Variants in MAGI2 observed in about 807,000 individuals in gnomAD.
MAGI2 encodes membrane-associated guanylate kinase, WW and PDZ domain-containing protein 2.
MAGI2 carries 35 observed loss-of-function variants against 133.3 expected under a neutral mutation model. That is an observed-to-expected ratio of 0.26 (90% CI 0.20 to 0.35). The LOEUF is 0.35. Among genes scored for constraint, MAGI2 ranks in the 10% least tolerant of loss-of-function variants. The pLI is 1.00. For missense variants in MAGI2, 1,636 were observed against 1,863.4 expected (o/e 0.88, Z 2.25); for synonymous variants, 729 against 710.6 (o/e 1.03, Z -0.41).
At chr7:78,742,395 G>A (rs1822521044) in intron 2 of MAGI2, among the ~76,000 whole-genome samples, 1 of 152,068 alleles carries the variant, frequency 6.6e-6, no homozygotes, top group Non-Finnish European at 1.5e-5. Flanking sequence ...AGGGTCAATG[G>A]CTAAGCATGT....
intron 10 of MAGI2, among the ~76,000 whole-genome samples, chr7:78,242,447 G>A (rs915867221): frequency 6.6e-6 from 1 of 152,070 alleles, no homozygotes; most frequent in Non-Finnish European, 1.5e-5. Context: ...AGACTTCATG[G>A]TGTATTTGTT....
chr7:78,178,214 T>C, intron 13 of MAGI2, 112 bp from the exon 14 acceptor site: 2 of 672,728 alleles, frequency 3.0e-6, no homozygotes, highest in South Asian at 3.5e-5. Context: ...ATGAGAGTGC[T>C]GTTAGGGTCA....
chr7:78,660,435 A>G (rs1812823855), intron 2 of MAGI2, among the ~76,000 whole-genome samples: 1 of 152,140 alleles, frequency 6.6e-6, no homozygotes, highest in East Asian at 1.9e-4. Flanking sequence ...GAAAATATCA[A>G]CTCGATTCAC....
At chr7:78,603,489 G>C (rs1805434902) in intron 3 of MAGI2, among the ~76,000 whole-genome samples, 2 of 152,234 alleles carry the variant, frequency 1.3e-5, no homozygotes, top group African/African-American at 2.4e-5. Context: ...TTCAAGATTT[G>C]AAGCTTTCTT....
chr7:78,778,652 C>T (rs972234000), intron 2 of MAGI2, among the ~76,000 whole-genome samples: 4 of 152,080 alleles, frequency 2.6e-5, no homozygotes, highest in Non-Finnish European at 5.9e-5. Context: ...TATACTCTGA[C>T]TTCAGTAACC....
chr7:78,041,864 C>T (rs1194681267), intron 21 of MAGI2, among the ~76,000 whole-genome samples: 5 of 152,120 alleles, frequency 3.3e-5, no homozygotes, highest in African/African-American at 4.8e-5. Flanking sequence ...CAGAACCCTA[C>T]TCCTACAAGT....
chr7:78,057,149 C>T (rs1028740503), intron 21 of MAGI2, among the ~76,000 whole-genome samples: 5 of 151,396 alleles, frequency 3.3e-5, no homozygotes, highest in South Asian at 2.1e-4. Context: ...ACCTCCATAC[C>T]GTTTCCATAA....
Position 79,262,358 on chromosome 7 carries a change from C to G in MAGI2, c.301+190662G>C, listed in dbSNP as rs116945768. ...GAGACACTAGACTCAAAGTTCAGGA[C>G]AAACCATAATCCTAATTCACTTCTT... On this transcript the variant is annotated intron_variant, in intron 1 of 21. Transcript: ENST00000354212. Among the ~76,000 whole-genome samples, 490 of 152,218 alleles carry G rather than the reference C, an allele frequency of 3.2e-3. 21 individuals are homozygous for G. In the East Asian group the frequency reaches 0.086, roughly 27 times the overall value.
chr7:78,817,554 G>C (rs12538896), intron 2 of MAGI2, among the ~76,000 whole-genome samples: 20,310 of 152,054 alleles, frequency 0.13, 1,398 homozygotes, highest in East Asian at 0.18. Context: ...TCAGTTAGCA[G>C]CCATCCACAC....
chr7:79,012,445 CTG>C (rs937058439), intron 1 of MAGI2, among the ~76,000 whole-genome samples: 2 of 152,256 alleles, frequency 1.3e-5, no homozygotes, highest in African/African-American at 4.8e-5. Flanking sequence ...ACAGGCCAAA[CTG>C]TAATTTGTGG....
chr7:79,330,466 A>T (rs368399694), intron 1 of MAGI2, among the ~76,000 whole-genome samples: 1 of 151,996 alleles, frequency 6.6e-6, no homozygotes. Flanking sequence ...AAATGCTGGG[A>T]TTACAGGCAT....
intron 3 of MAGI2, among the ~76,000 whole-genome samples, chr7:78,604,191 G>C (rs944223798): frequency 6.6e-6 from 1 of 152,056 alleles, no homozygotes; most frequent in African/African-American, 2.4e-5. Flanking sequence ...AAGAATATTG[G>C]GGACAGGGAA....
intron 6 of MAGI2, among the ~76,000 whole-genome samples, chr7:78,462,229 G>C (rs552766091): frequency 1.3e-5 from 2 of 152,066 alleles, no homozygotes; most frequent in African/African-American, 4.8e-5. Context: ...CTCATTTTTT[G>C]TTAAAATTCC....
intron 2 of MAGI2, among the ~76,000 whole-genome samples, chr7:78,772,830 G>C (rs1326121006): frequency 6.6e-6 from 1 of 152,120 alleles, no homozygotes; most frequent in African/African-American, 2.4e-5. Flanking sequence ...AGTCGGCTTA[G>C]GCAAATTTAG....
intron 1 of MAGI2, among the ~76,000 whole-genome samples, chr7:79,097,280 G>A (rs60995153): frequency 0.048 from 7,367 of 152,216 alleles, 550 homozygotes; most frequent in African/African-American, 0.17. Context: ...AGAGAAACTG[G>A]CACATTTATT....
intron 3 of MAGI2, among the ~76,000 whole-genome samples, chr7:78,546,624 C>T (rs1233183904): frequency 6.6e-6 from 1 of 152,100 alleles, no homozygotes; most frequent in Non-Finnish European, 1.5e-5. Context: ...TGTGTCCTCT[C>T]CCTTAGTAGA....
intron 6 of MAGI2, among the ~76,000 whole-genome samples, chr7:78,448,719 A>T (rs368768799): frequency 6.6e-6 from 1 of 152,068 alleles, no homozygotes; most frequent in South Asian, 2.1e-4. Context: ...CAATAATTTA[A>T]ATATGTATAT....
intron 1 of MAGI2, among the ~76,000 whole-genome samples, chr7:79,204,353 C>A (rs1288303227): frequency 2.0e-5 from 3 of 152,024 alleles, no homozygotes; most frequent in Non-Finnish European, 2.9e-5. Context: ...GCAGGCCGGC[C>A]TCAGTGGGCC....
chr7:78,708,993 A>G (rs541125120), intron 2 of MAGI2, among the ~76,000 whole-genome samples: 8 of 152,242 alleles, frequency 5.3e-5, no homozygotes, highest in African/African-American at 1.9e-4. Flanking sequence ...CATCCCCGCT[A>G]TTAGCCCACT....
Sources: allele counts gnomAD v4.1 joint callset (sites outside exome capture counted in the v4.1 genomes callset), GRCh38; gene constraint gnomAD v4.1.1; transcripts MANE v1.5; gene names NCBI Gene and HGNC (gene_info 2026-07-23, HGNC 2026-07-21).